Variants in MSH3 observed in about 807,000 individuals in gnomAD.
The protein encoded by MSH3 is mutS homolog 3, also known as DNA mismatch repair protein Msh3.
Under a neutral mutation model 123.3 loss-of-function variants are expected in MSH3, and 106 were observed. That is an observed-to-expected ratio of 0.86 (90% CI 0.73 to 1.01). MSH3 has a LOEUF of 1.01. Among genes scored for constraint, MSH3 ranks in the 50% least tolerant of loss-of-function variants. The pLI is 0.00. For synonymous variants in MSH3, 515 were observed against 481.4 expected (o/e 1.07, Z -0.91); for missense variants, 1,459 against 1,347.6 (o/e 1.08, Z -1.29).
intron 22 of MSH3, among the ~76,000 whole-genome samples, chr5:80,866,686 T>A (rs925479353): frequency 2.6e-5 from 4 of 152,210 alleles, no homozygotes; most frequent in African/African-American, 9.7e-5. Context: ...AATTTTCCCT[T>A]CCTCTGTCCT....
chr5:80,780,315 C>A (rs1744387221), intron 17 of MSH3, among the ~76,000 whole-genome samples: 1 of 152,218 alleles, frequency 6.6e-6, no homozygotes. Context: ...TAGGAACCAG[C>A]TCTAGACCAC....
rs546494163 is a variant in MSH3, at chr5:80,681,968, C to T, written c.1340+2875C>T. 2.2e-4 allele frequency among the ~76,000 whole-genome samples: 33 copies of T among 152,222 alleles called. No individual in the cohort carries two copies. The South Asian group carries it at 6.6e-3, about 31-fold the overall frequency. ...TTGTCTTATTTTAATTTGAATTTCTCTAGTTAGCATTGTAAATAATTTTCT... is the reference window on the plus strand; with the variant it reads ...TTGTCTTATTTTAATTTGAATTTCTTTAGTTAGCATTGTAAATAATTTTCT... On this transcript the variant is annotated intron_variant, in intron 8 of 23. Transcript: ENST00000265081.
intron 16 of MSH3, among the ~76,000 whole-genome samples, chr5:80,778,359 A>G (rs1744341328): frequency 1.3e-5 from 2 of 152,248 alleles, no homozygotes; most frequent in African/African-American, 2.4e-5. Context: ...TCACCAATGT[A>G]TCTACCTCCC....
chr5:80,695,331 T>A (rs2112833939), intron 8 of MSH3, among the ~76,000 whole-genome samples: 1 of 152,144 alleles, frequency 6.6e-6, no homozygotes, highest in South Asian at 2.1e-4. Flanking sequence ...CTAAAATTTT[T>A]GTTCATTTTT....
rs1176276038 is a variant in MSH3, at chr5:80,759,202, G to A, written c.1764-2344G>A. Among the ~76,000 whole-genome samples the A allele has an allele frequency of 3.9e-5, 6 of 152,150 alleles. No individual in the cohort carries two copies. The East Asian group carries it at 1.2e-3, about 29-fold the overall frequency. On this transcript the variant is annotated intron_variant, in intron 12 of 23. Coordinates refer to ENST00000265081, the MANE Select transcript of MSH3 (RefSeq NM_002439.5). ...CTGTGTTCACTGAATTTATAGTCTT[G>A]TAGGAAAGACAGTGAAGTAGTAAAT...
chr5:80,842,785 C>G (rs1385807628), intron 20 of MSH3, among the ~76,000 whole-genome samples: 1 of 152,156 alleles, frequency 6.6e-6, no homozygotes, highest in Non-Finnish European at 1.5e-5. Context: ...AGTTGCTTAT[C>G]AGCTTAAGGA....
chr5:80,774,189 T>G (rs1349926425), intron 15 of MSH3, among the ~76,000 whole-genome samples: 1 of 152,194 alleles, frequency 6.6e-6, no homozygotes, highest in Non-Finnish European at 1.5e-5. Context: ...CAGAGAACCT[T>G]ATTTGCAGAG....
chr5:80,750,003 T>C (rs962440784), intron 12 of MSH3, among the ~76,000 whole-genome samples: 3 of 152,038 alleles, frequency 2.0e-5, no homozygotes, highest in Admixed American at 6.6e-5. Context: ...CTTTGCATTA[T>C]GTCCTCTAGG....
chr5:80,731,483 C>T lies in MSH3; in HGVS notation c.1568+2518C>T, dbSNP rs187490558. On this transcript the variant is annotated intron_variant, in intron 10 of 23. Transcript: ENST00000265081. ...CTGCTTTGTATATATTCCCAGCATC[C>T]AGCATAAGCCCAGCACCTAGTAGGC... Among the ~76,000 whole-genome samples the T allele has an allele frequency of 1.1e-4, 17 of 151,912 alleles. No individual in the cohort carries two copies. In the East Asian group the frequency reaches 3.1e-3, roughly 28 times the overall value.
chr5:80,818,369 G>GTT (rs36105811), intron 20 of MSH3, among the ~76,000 whole-genome samples: 37 of 123,888 alleles, frequency 3.0e-4, no homozygotes, highest in East Asian at 2.1e-3. Context: ...AATGACTGGT[G>GTT]TTTTTTTTTT....
At chr5:80,759,593 A>T (rs1343812001) in intron 12 of MSH3, among the ~76,000 whole-genome samples, 1 of 152,216 alleles carries the variant, frequency 6.6e-6, no homozygotes, top group Admixed American at 6.5e-5. Context: ...ACAATTAAAG[A>T]TTCTGGATTT....
At chr5:80,710,864 CTT>C (rs2112844834) in intron 8 of MSH3, among the ~76,000 whole-genome samples, 1 of 152,174 alleles carries the variant, frequency 6.6e-6, no homozygotes, top group East Asian at 1.9e-4. Flanking sequence ...TCTCTCAGCC[CTT>C]GACTTCTCTG....
chr5:80,765,222 T>G (rs773559032), intron 13 of MSH3, among the ~76,000 whole-genome samples: 4 of 152,224 alleles, frequency 2.6e-5, no homozygotes, highest in African/African-American at 4.8e-5. Flanking sequence ...GCTTGGAAAA[T>G]TAATCATTTT....
intron 20 of MSH3, among the ~76,000 whole-genome samples, chr5:80,820,112 A>G (rs1745180534): frequency 6.6e-6 from 1 of 152,244 alleles, no homozygotes; most frequent in African/African-American, 2.4e-5. Flanking sequence ...CAGAAAATTC[A>G]AAATAGCTTA....
intron 18 of MSH3, among the ~76,000 whole-genome samples, chr5:80,790,696 G>A (rs761309348): frequency 6.6e-6 from 1 of 152,206 alleles, no homozygotes; most frequent in Admixed American, 6.5e-5. Flanking sequence ...AAAGAAGAGT[G>A]CAGATGCCAC....
In MSH3 at chr5:80,654,785, A is replaced by G; in HGVS notation, c.58A>G (p.Arg20Gly). 2.5e-6 allele frequency: 4 copies of G among 1,606,984 alleles called. No individual in the cohort carries two copies. Among genetic ancestry groups the G allele is most frequent in the Non-Finnish European group, 3.4e-6 (4 of 1,177,336 alleles). The change falls in exon 1 of 24, where the codon AGG becomes GGG. Residue 20 changes from arginine to glycine, a missense_variant. Physicochemically the swap from Arg to Gly is moderately radical, Grantham distance 125. Coordinates refer to ENST00000265081, the MANE Select transcript of MSH3 (RefSeq NM_002439.5). ...GLAASSSAPA[R>G]QAVLSRFFQS... The stretch of plus-strand genomic sequence containing the variant: ...CGCTGCCTCCAGCTCAGCCCCTGCG[A>G]GGCAAGCGGTTTTGAGCCGATTCTT...
intron 8 of MSH3, among the ~76,000 whole-genome samples, chr5:80,694,413 CCT>C (rs1410095747): frequency 1.3e-5 from 2 of 152,000 alleles, no homozygotes; most frequent in Admixed American, 1.3e-4. Flanking sequence ...AAAAACTTTA[CCT>C]CTGTCTATGC....
chr5:80,793,634 T>C (rs1460543274), intron 19 of MSH3, among the ~76,000 whole-genome samples: 9 of 151,944 alleles, frequency 5.9e-5, no homozygotes, highest in Non-Finnish European at 1.3e-4. Flanking sequence ...ATGGCAGATA[T>C]TGGAAGTGAA....
chr5:80,743,296 G>A (rs1743650770), intron 11 of MSH3, among the ~76,000 whole-genome samples: 1 of 152,052 alleles, frequency 6.6e-6, no homozygotes, highest in South Asian at 2.1e-4. Flanking sequence ...TCCTTAGCCT[G>A]TCCAGCCATC....
Sources: allele counts gnomAD v4.1 joint callset (sites outside exome capture counted in the v4.1 genomes callset), GRCh38; gene constraint gnomAD v4.1.1; transcripts MANE v1.5; gene names NCBI Gene and HGNC (gene_info 2026-07-23, HGNC 2026-07-21).